Variants in ACAP2 observed in about 807,000 individuals in gnomAD.
ACAP2 encodes arf-GAP with coiled-coil, ANK repeat and PH domain-containing protein 2.
ACAP2 carries 39 observed loss-of-function variants against 115.8 expected under a neutral mutation model. The observed-to-expected ratio is 0.34, with a 90% CI of 0.26 to 0.44. The LOEUF is 0.44. Ranked by LOEUF, ACAP2 falls within the 20% of genes least tolerant of loss-of-function variation. The probability of loss-of-function intolerance (pLI) is 1.00; values close to 1 mark genes in which losing one functional copy is unlikely to be tolerated. For synonymous variants in ACAP2, 289 were observed against 315.8 expected (o/e 0.92, Z 0.90); for missense variants, 662 against 927.6 (o/e 0.71, Z 3.72).
chr3:195,419,098 T>C (rs1485127122), intron 1 of ACAP2, among the ~76,000 whole-genome samples: 1 of 152,150 alleles, frequency 6.6e-6, no homozygotes, highest in Non-Finnish European at 1.5e-5. Context: ...AAAATTCAAA[T>C]ACCATACCCA....
At chr3:195,400,286 A>G (rs891583167) in intron 1 of ACAP2, among the ~76,000 whole-genome samples, 1 of 151,788 alleles carries the variant, frequency 6.6e-6, no homozygotes, top group African/African-American at 2.4e-5. Flanking sequence ...GTGGGAGGAG[A>G]GGTCTATAGA....
chr3:195,438,947 G>A (rs1201968855), intron 1 of ACAP2, among the ~76,000 whole-genome samples: 2 of 152,056 alleles, frequency 1.3e-5, no homozygotes, highest in Non-Finnish European at 2.9e-5. Context: ...TATAATCCCA[G>A]TTACTCGGGA....
At chr3:195,374,780 T>C (rs1733406196) in intron 4 of ACAP2, among the ~76,000 whole-genome samples, 1 of 151,896 alleles carries the variant, frequency 6.6e-6, no homozygotes, top group African/African-American at 2.4e-5. Context: ...AGCGGCACCA[T>C]CTCGGCTCAC....
chr3:195,276,938 A>C lies in ACAP2; in HGVS notation c.*2390T>G, dbSNP rs1454284155. On this transcript the variant is annotated 3_prime_UTR_variant, in exon 23 of 23. Coordinates refer to ENST00000326793, the MANE Select transcript of ACAP2 (RefSeq NM_012287.6). ...AATATTAAAGATTTTGCTTTCTCTGAAGATATTCTGAACCATGATCATCTT... is the reference window on the plus strand; with the variant it reads ...AATATTAAAGATTTTGCTTTCTCTGCAGATATTCTGAACCATGATCATCTT... The C allele has an allele frequency of 1.3e-5, 2 of 152,206 alleles. No individual in the cohort carries two copies. Among genetic ancestry groups the C allele is most frequent in the African/African-American group, 4.8e-5 (2 of 41,468 alleles). The allele number at this position is 152,206 out of a possible 1,614,324, so 9.4% of individuals were successfully genotyped here.
At chr3:195,292,929 A>AAAG (rs2108929371) in intron 18 of ACAP2, among the ~76,000 whole-genome samples, 2 of 151,510 alleles carry the variant, frequency 1.3e-5, no homozygotes, top group East Asian at 3.9e-4. Context: ...CTCAAAAAAA[A>AAAG]AAAAAAAAAA....
At chr3:195,350,857 T>C (rs577333378) in intron 4 of ACAP2, among the ~76,000 whole-genome samples, 29 of 152,032 alleles carry the variant, frequency 1.9e-4, no homozygotes, top group Middle Eastern at 6.8e-3. Context: ...AGAACATTTA[T>C]AAAATTTAAC....
At chr3:195,338,969 G>A (rs1397009318) in intron 6 of ACAP2, among the ~76,000 whole-genome samples, 6 of 152,142 alleles carry the variant, frequency 3.9e-5, no homozygotes, top group East Asian at 1.9e-4. Flanking sequence ...GGTGGCTCAC[G>A]CCTGTAATCC....
chr3:195,337,774 T>C (rs572468948), intron 6 of ACAP2, among the ~76,000 whole-genome samples: 2 of 152,322 alleles, frequency 1.3e-5, no homozygotes, highest in East Asian at 3.9e-4. Flanking sequence ...AATAAGATCA[T>C]GTTACCTCTA....
At chr3:195,356,604 A>G (rs546667794) in intron 4 of ACAP2, among the ~76,000 whole-genome samples, 1 of 152,256 alleles carries the variant, frequency 6.6e-6, no homozygotes, top group East Asian at 1.9e-4. Flanking sequence ...AGGAGAGGAA[A>G]GGATAAACAG....
chr3:195,429,689 A>G lies in ACAP2; in HGVS notation c.53+13106T>C, dbSNP rs77049023. On this transcript the variant is annotated intron_variant, in intron 1 of 22. Coordinates refer to ENST00000326793, the MANE Select transcript of ACAP2 (RefSeq NM_012287.6). ...TGTATGCAAGTTTTTATCAAGAAAA[A>G]AACTATGAACACGAATTAATACTTT... Among the ~76,000 whole-genome samples the G allele has an allele frequency of 4.7e-3, 710 of 152,308 alleles. 5 individuals carry two copies. The highest frequency in any genetic ancestry group is 0.016 in the African/African-American group (670 of 41,562).
Position 195,320,760 on chromosome 3 carries a change from G to A in ACAP2, c.798C>T (p.Gly266=), listed in dbSNP as rs201052381. 2 of 1,613,566 alleles carry A rather than the reference G, an allele frequency of 1.2e-6. No homozygotes were observed. Among genetic ancestry groups the A allele is most frequent in the South Asian group, 2.2e-5 (2 of 91,062 alleles). ...KLEYNVDAAN[G]IVMEGYLFKR... ...TGAACAGATATCCTTCCATAACTAT[G>A]CCATTTGCAGCATCTACGTTATATT... The change falls in exon 10 of 23, where the codon GGC becomes GGT. Residue 266 remains glycine, a synonymous_variant. Transcript: ENST00000326793.
chr3:195,365,931 T>C (rs935356258), intron 4 of ACAP2, among the ~76,000 whole-genome samples: 1 of 151,870 alleles, frequency 6.6e-6, no homozygotes, highest in Non-Finnish European at 1.5e-5. Flanking sequence ...AACCTGCACT[T>C]CCTGGGTTCA....
intron 1 of ACAP2, among the ~76,000 whole-genome samples, chr3:195,437,905 T>TC (rs1384335789): frequency 5.5e-5 from 8 of 145,324 alleles, no homozygotes; most frequent in East Asian, 2.0e-4. Context: ...TTTTTTTTTT[T>TC]CATTAAAATT....
At chr3:195,292,217 T>G in intron 19 of ACAP2, 48 bp downstream of exon 19, 5 of 1,507,428 alleles carry the variant, frequency 3.3e-6, no homozygotes, top group Non-Finnish European at 4.4e-6. Context: ...TTATGATTTT[T>G]TTTAAATATT....
At chr3:195,356,269 A>G (rs1731963856) in intron 4 of ACAP2, 1 of 448,916 alleles carries the variant, frequency 2.2e-6, no homozygotes, top group Non-Finnish European at 4.5e-6. Flanking sequence ...GCCAATGCCA[A>G]TGAATGGAGC....
chr3:195,298,170 A>G (rs1727776096), intron 15 of ACAP2, among the ~76,000 whole-genome samples: 1 of 152,106 alleles, frequency 6.6e-6, no homozygotes, highest in Non-Finnish European at 1.5e-5. Context: ...AGAGGATTAC[A>G]ATGCTCTCTG....
rs1263081371 is a variant in ACAP2, at chr3:195,342,621, T to C, written c.378A>G (p.Gln126=). The C allele has an allele frequency of 1.2e-6, 2 of 1,604,332 alleles. No individual in the cohort carries two copies. The highest frequency in any genetic ancestry group is 1.7e-5 in the Admixed American group (1 of 57,246). ...CTTTTTCTTCACTGACTTTTTCGAA[T>C]TGCTTCTTGGCATCTTTGAATTTTC... ...DLRKFKDAKK[Q]FEKVSEEKEN... is the part of the protein sequence containing the mutation. The change falls in exon 6 of 23, where the codon CAA becomes CAG. Residue 126 remains glutamine (Q), a synonymous_variant. Transcript: ENST00000326793.
chr3:195,316,721 C>G (rs1729112681), intron 10 of ACAP2, among the ~76,000 whole-genome samples: 1 of 151,926 alleles, frequency 6.6e-6, no homozygotes, highest in Non-Finnish European at 1.5e-5. Context: ...TTAAAGCTCT[C>G]TAAACTCAGG....
intron 4 of ACAP2, among the ~76,000 whole-genome samples, chr3:195,345,553 A>G (rs182098624): frequency 2.6e-5 from 4 of 152,372 alleles, no homozygotes; most frequent in Non-Finnish European, 4.4e-5. Context: ...ATCTGCTTTA[A>G]TATTTAAATA....
Sources: gnomAD v4.1 joint callset for allele counts (sites outside exome capture counted in the v4.1 genomes callset) on GRCh38, gnomAD v4.1.1 for gene constraint, MANE v1.5 for transcripts, NCBI Gene and HGNC (gene_info 2026-07-23, HGNC 2026-07-21) for gene names.